The following WWOX variants were observed in gnomAD, a reference collection of about 807,000 sequenced individuals.
WWOX encodes the protein WW domain-containing oxidoreductase.
WWOX carries 69 observed loss-of-function variants against 46.2 expected under a neutral mutation model. That is an observed-to-expected ratio of 1.49 (90% confidence interval 1.23 to 1.82). WWOX has a LOEUF of 1.82. WWOX is among the 40% of genes most tolerant of loss of function. The pLI is 0.00. For synonymous variants in WWOX, 359 were observed against 202.6 expected, an observed-to-expected ratio of 1.77 and a Z score of -6.56; for missense variants, 919 against 542.6, an observed-to-expected ratio of 1.69 and a Z score of -6.89.
chr16:78,874,558 G>C (rs568267287), intron 8 of WWOX, among the ~76,000 whole-genome samples: 1 of 152,146 alleles, frequency 6.6e-6, no homozygotes, highest in South Asian at 2.1e-4. Context: ...GTTATTCATG[G>C]CAAAAGATGT....
chr16:78,710,488 ATATATATATATT>A lies in WWOX; in HGVS notation c.1056+277743_1056+277754del, dbSNP rs201051500. On this transcript the variant is annotated intron_variant, in intron 8 of 8. Transcript: ENST00000566780. ...TAATGGATCTCATATATATATATAT[ATATATATATATT>A]TATATAAATATATTTTATATTTAAA... Among the ~76,000 whole-genome samples the A allele has an allele frequency of 3.8e-3, 502 of 133,636 alleles. 17 individuals carry two copies. The highest frequency in any genetic ancestry group is 5.4e-3 in the Non-Finnish European group (343 of 63,232). The allele number at this position is 133,636 out of a possible 152,430, so 87.7% of individuals were successfully genotyped here.
chr16:79,088,414 AC>A (rs886293823), intron 8 of WWOX, among the ~76,000 whole-genome samples: 1 of 152,162 alleles, frequency 6.6e-6, no homozygotes, highest in African/African-American at 2.4e-5. Flanking sequence ...TTTGCTGAAC[AC>A]CGTAGGTCTG....
intron 8 of WWOX, among the ~76,000 whole-genome samples, chr16:79,168,295 G>C (rs1000617882): frequency 6.6e-6 from 1 of 152,120 alleles, no homozygotes; most frequent in African/African-American, 2.4e-5. Flanking sequence ...ACTTTTTGAT[G>C]AACTGACAAA....
chr16:78,406,871 C>G (rs951743037), intron 6 of WWOX, among the ~76,000 whole-genome samples: 2 of 152,162 alleles, frequency 1.3e-5, no homozygotes, highest in African/African-American at 4.8e-5. Flanking sequence ...AGTGATCCGC[C>G]CGCTTCAGCC....
chr16:78,929,163 G>A (rs1471202638), intron 8 of WWOX, among the ~76,000 whole-genome samples: 1 of 152,094 alleles, frequency 6.6e-6, no homozygotes, highest in Admixed American at 6.5e-5. Flanking sequence ...CGGTTTGGGG[G>A]TGATTTTCAG....
intron 8 of WWOX, among the ~76,000 whole-genome samples, chr16:78,807,744 C>G (rs1378285656): frequency 6.6e-6 from 1 of 152,220 alleles, no homozygotes; most frequent in African/African-American, 2.4e-5. Context: ...CCAAAGTGGC[C>G]TGACCAAACT....
At chr16:79,008,994 G>A (rs112566300) in intron 8 of WWOX, among the ~76,000 whole-genome samples, 16 of 152,326 alleles carry the variant, frequency 1.1e-4, no homozygotes, top group African/African-American at 3.1e-4. Flanking sequence ...CAATTATCCC[G>A]ATTCAGCATC....
chr16:78,679,300 C>G (rs1427043971), intron 8 of WWOX, among the ~76,000 whole-genome samples: 2 of 152,202 alleles, frequency 1.3e-5, no homozygotes, highest in African/African-American at 4.8e-5. Context: ...CCTGTAATCC[C>G]AGCACTTTGG....
chr16:78,901,255 A>T (rs531443730), intron 8 of WWOX, among the ~76,000 whole-genome samples: 9 of 152,344 alleles, frequency 5.9e-5, no homozygotes, highest in Non-Finnish European at 1.3e-4. Context: ...CAATCATCCA[A>T]AGGTTTGTGG....
chr16:78,135,136 G>C (rs76633141), intron 4 of WWOX, among the ~76,000 whole-genome samples: 3,083 of 152,322 alleles, frequency 0.02, 116 homozygotes, highest in African/African-American at 0.071. Context: ...AGAGGATGCA[G>C]ATTCCACCCT....
chr16:78,126,019 A>G (rs1445132982), intron 4 of WWOX, among the ~76,000 whole-genome samples: 1 of 152,210 alleles, frequency 6.6e-6, no homozygotes, highest in Non-Finnish European at 1.5e-5. Flanking sequence ...TTTAGCATGT[A>G]TGATTGTAAG....
chr16:78,337,555 A>C (rs907862791), intron 5 of WWOX, among the ~76,000 whole-genome samples: 1 of 152,206 alleles, frequency 6.6e-6, no homozygotes, highest in Admixed American at 6.5e-5. Context: ...TGTTCAATGC[A>C]TAATGACAGG....
intron 4 of WWOX, among the ~76,000 whole-genome samples, chr16:78,116,970 C>T (rs1469511416): frequency 5.9e-5 from 9 of 152,058 alleles, no homozygotes; most frequent in South Asian, 2.1e-4. Context: ...AGCAGACCTG[C>T]GACATTGTAA....
intron 6 of WWOX, among the ~76,000 whole-genome samples, chr16:78,397,549 G>A (rs1333653682): frequency 1.3e-5 from 2 of 152,220 alleles, no homozygotes; most frequent in Non-Finnish European, 2.9e-5. Flanking sequence ...CTTCTGTTGA[G>A]CTCAGCTTGC....
At chr16:78,409,700 C>G (rs2082631253) in intron 6 of WWOX, among the ~76,000 whole-genome samples, 2 of 152,170 alleles carry the variant, frequency 1.3e-5, no homozygotes, top group Non-Finnish European at 2.9e-5. Context: ...TCTCATTGGG[C>G]TAAAATTAAG....
At position 78,422,672 on chromosome 16, in the gene WWOX, T is replaced by TACACACACAC. The variant is rs1320883721; in HGVS notation, c.606-2197_606-2196insCACACACACA. ...CCTGTTTTTTTTACATGTATATATA[T>TACACACACAC]ATATATATATATACACACACACACA... On this transcript the variant is annotated intron_variant, in intron 6 of 8. Coordinates refer to ENST00000566780, the MANE Select transcript of WWOX (RefSeq NM_016373.4). Among the ~76,000 whole-genome samples the TACACACACAC allele has an allele frequency of 2.3e-4, 15 of 65,534 alleles. 1 individual carries two copies. Among genetic ancestry groups the TACACACACAC allele is most frequent in the African/African-American group, 9.0e-4 (14 of 15,520 alleles). The allele number at this position is 65,534 out of a possible 152,430, so 43.0% of individuals were successfully genotyped here.
rs1597489851 is a variant in WWOX, at chr16:79,212,390, C to T, written c.*594C>T. 1 of 466,186 alleles carries T rather than the reference C, an allele frequency of 2.1e-6. No homozygotes were observed. The highest frequency in any genetic ancestry group is 3.8e-6 in the Non-Finnish European group (1 of 266,088). The allele number at this position is 466,186 out of a possible 1,614,324, so 28.9% of individuals were successfully genotyped here. A position where few individuals can be genotyped will look rare whatever the true frequency, so the allele number is the denominator to read the frequency against. On this transcript the variant is annotated 3_prime_UTR_variant, in exon 9 of 9. Transcript: ENST00000566780. ...TAGAATACGCAGAACTACCAGGTGGCAAAGTACTTGTCATAGACTCCTTTG... is the reference window on the plus strand; with the variant it reads ...TAGAATACGCAGAACTACCAGGTGGTAAAGTACTTGTCATAGACTCCTTTG...
chr16:78,611,490 C>T (rs2045899169), intron 8 of WWOX, among the ~76,000 whole-genome samples: 2 of 152,136 alleles, frequency 1.3e-5, no homozygotes, highest in African/African-American at 4.8e-5. Context: ...CCCTGGAGGC[C>T]TCCCTGCCCT....
At chr16:78,354,128 T>G (rs541765080) in intron 5 of WWOX, among the ~76,000 whole-genome samples, 43 of 152,308 alleles carry the variant, frequency 2.8e-4, no homozygotes, top group African/African-American at 9.6e-4. Context: ...GGTTCATCTG[T>G]GAATCAGGAA....
Sources: gnomAD v4.1 joint callset for allele counts (sites outside exome capture counted in the v4.1 genomes callset) on GRCh38, gnomAD v4.1.1 for gene constraint, MANE v1.5 for transcripts, NCBI Gene and HGNC (gene_info 2026-07-23, HGNC 2026-07-21) for gene names.